Variants in ST6GALNAC5 observed in about 807,000 individuals in gnomAD.
The protein encoded by ST6GALNAC5 is ST6 N-acetylgalactosaminide alpha-2,6-sialyltransferase 5, also known as alpha-N-acetylgalactosaminide alpha-2,6-sialyltransferase 5.
Under a neutral mutation model 33.6 loss-of-function variants are expected in ST6GALNAC5, and 27 were observed. The observed-to-expected ratio is 0.80, with a 90% CI of 0.59 to 1.11. The LOEUF is 1.11. ST6GALNAC5 is among the 50% of genes least tolerant of loss of function. The probability of loss-of-function intolerance (pLI) is 0.00; values close to 1 mark genes in which losing one functional copy is unlikely to be tolerated. For synonymous variants in ST6GALNAC5, 194 were observed against 171.2 expected (o/e 1.13, Z -1.04); for missense variants, 428 against 454.0 (o/e 0.94, Z 0.52).
At chr1:77,033,732 G>A (rs1326798501) in intron 2 of ST6GALNAC5, among the ~76,000 whole-genome samples, 1 of 152,130 alleles carries the variant, frequency 6.6e-6, no homozygotes, top group Admixed American at 6.5e-5. Flanking sequence ...AAAGGCTGGA[G>A]ACCAGAGAAG....
chr1:77,030,950 T>A (rs947850821), intron 2 of ST6GALNAC5, among the ~76,000 whole-genome samples: 1 of 152,214 alleles, frequency 6.6e-6, no homozygotes, highest in Non-Finnish European at 1.5e-5. Flanking sequence ...GTGAAGGCAG[T>A]TGTGTCTGGG....
chr1:77,006,870 G>A (rs577914944), intron 2 of ST6GALNAC5, among the ~76,000 whole-genome samples: 14 of 152,156 alleles, frequency 9.2e-5, no homozygotes, highest in Admixed American at 8.5e-4. Flanking sequence ...GGTGCTGGCT[G>A]TTCTCAGATG....
At chr1:77,030,286 G>A (rs1242510051) in intron 2 of ST6GALNAC5, among the ~76,000 whole-genome samples, 1 of 152,148 alleles carries the variant, frequency 6.6e-6, no homozygotes, top group Non-Finnish European at 1.5e-5. Context: ...TGTGGGAGTG[G>A]CTTTGGCCTC....
chr1:76,953,877 A>G (rs1044587632), intron 2 of ST6GALNAC5, among the ~76,000 whole-genome samples: 3 of 152,076 alleles, frequency 2.0e-5, no homozygotes, highest in Non-Finnish European at 2.9e-5. Flanking sequence ...TTGGTGTCCA[A>G]TTGTTCCCGT....
At chr1:76,977,399 G>C (rs1351534123) in intron 2 of ST6GALNAC5, among the ~76,000 whole-genome samples, 19 of 152,078 alleles carry the variant, frequency 1.2e-4, no homozygotes, top group Non-Finnish European at 5.9e-5. Context: ...CTGTGTTATA[G>C]GACACCAGAA....
intron 2 of ST6GALNAC5, among the ~76,000 whole-genome samples, chr1:76,960,727 A>G (rs1022052150): frequency 1.3e-5 from 2 of 152,186 alleles, no homozygotes; most frequent in African/African-American, 2.4e-5. Flanking sequence ...GAATTCAACG[A>G]TATTTCTCCC....
chr1:76,899,889 G>A (rs1646799970), intron 2 of ST6GALNAC5, among the ~76,000 whole-genome samples: 1 of 152,216 alleles, frequency 6.6e-6, no homozygotes, highest in Admixed American at 6.5e-5. Context: ...GAGGTTGTAG[G>A]TGGATCTTTC....
chr1:77,041,465 A>G (rs1158113330), intron 2 of ST6GALNAC5, among the ~76,000 whole-genome samples: 1 of 152,246 alleles, frequency 6.6e-6, no homozygotes, highest in Non-Finnish European at 1.5e-5. Context: ...CACCAGGTTC[A>G]GTGCCTGGTA....
At chr1:76,943,755 TC>T (rs1647415038) in intron 2 of ST6GALNAC5, among the ~76,000 whole-genome samples, 2 of 152,246 alleles carry the variant, frequency 1.3e-5, no homozygotes, top group Admixed American at 1.3e-4. Context: ...TTAACTGGAA[TC>T]TTTTTTTTTC....
chr1:76,980,233 CT>C (rs1649196359), intron 2 of ST6GALNAC5, among the ~76,000 whole-genome samples: 1 of 151,864 alleles, frequency 6.6e-6, no homozygotes, highest in South Asian at 2.1e-4. Flanking sequence ...TGATTTCTTT[CT>C]CTAGATATTT....
intron 2 of ST6GALNAC5, among the ~76,000 whole-genome samples, chr1:76,934,155 G>C (rs1443240006): frequency 6.6e-6 from 1 of 152,116 alleles, no homozygotes; most frequent in Non-Finnish European, 1.5e-5. Flanking sequence ...AGAATATCAA[G>C]AGTGGAATAA....
intron 2 of ST6GALNAC5, among the ~76,000 whole-genome samples, chr1:76,884,641 C>T (rs1281583994): frequency 1.3e-5 from 2 of 152,152 alleles, no homozygotes; most frequent in African/African-American, 4.8e-5. Flanking sequence ...CACCAGTTTG[C>T]TTCTTCCCAG....
chr1:76,911,481 T>C (rs1646910772), intron 2 of ST6GALNAC5, among the ~76,000 whole-genome samples: 2 of 152,146 alleles, frequency 1.3e-5, no homozygotes, highest in African/African-American at 4.8e-5. Context: ...AAGGATTCTC[T>C]CTTTTTCTAT....
intron 2 of ST6GALNAC5, among the ~76,000 whole-genome samples, chr1:76,874,389 T>A (rs571824877): frequency 2.0e-5 from 3 of 152,226 alleles, no homozygotes; most frequent in Non-Finnish European, 4.4e-5. Flanking sequence ...TAATTCATTG[T>A]ACTAGTCAGG....
At chr1:76,989,670 G>T (rs17558507) in intron 2 of ST6GALNAC5, among the ~76,000 whole-genome samples, 1 of 151,896 alleles carries the variant, frequency 6.6e-6, no homozygotes, top group East Asian at 1.9e-4. Flanking sequence ...TGCTTGCCCA[G>T]TGCAAAGGTT....
intron 2 of ST6GALNAC5, among the ~76,000 whole-genome samples, chr1:76,965,094 A>C (rs1448011636): frequency 1.3e-5 from 2 of 152,194 alleles, no homozygotes; most frequent in Non-Finnish European, 2.9e-5. Context: ...TTATAGTAGC[A>C]TGATTTATAA....
chr1:76,979,090 A>T (rs573707170), intron 2 of ST6GALNAC5, among the ~76,000 whole-genome samples: 1 of 152,264 alleles, frequency 6.6e-6, no homozygotes, highest in Admixed American at 6.5e-5. Flanking sequence ...TATAGTAAAA[A>T]CTATAAAACA....
At chr1:76,949,060 C>G (rs1357151892) in intron 2 of ST6GALNAC5, among the ~76,000 whole-genome samples, 1 of 152,150 alleles carries the variant, frequency 6.6e-6, no homozygotes, top group African/African-American at 2.4e-5. Context: ...ACAGGAAACA[C>G]AGCTACTGTT....
chr1:77,012,077 C>A (rs1650655647), intron 2 of ST6GALNAC5, among the ~76,000 whole-genome samples: 1 of 152,096 alleles, frequency 6.6e-6, no homozygotes. Context: ...AGGTCTGAGA[C>A]TTTTAACTAC....
Sources: gnomAD v4.1 joint callset for allele counts (sites outside exome capture counted in the v4.1 genomes callset) on GRCh38, gnomAD v4.1.1 for gene constraint, MANE v1.5 for transcripts, NCBI Gene and HGNC (gene_info 2026-07-23, HGNC 2026-07-21) for gene names.